CAMTA2: variants seen among roughly 807,000 people sequenced by gnomAD.
The protein encoded by CAMTA2 is calmodulin binding transcription activator 2.
In CAMTA2, 56 loss-of-function variants were observed where a neutral mutation model predicts 135.7. That is an observed-to-expected ratio of 0.41 (90% confidence interval 0.33 to 0.52). CAMTA2 has a LOEUF of 0.52. CAMTA2 is among the 20% of genes least tolerant of loss of function. The pLI is 0.16. For synonymous variants in CAMTA2, 591 were observed against 604.6 expected (o/e 0.98, Z 0.33); for missense variants, 1,358 against 1,553.4 (o/e 0.87, Z 2.11).
rs1973407738 is a variant in CAMTA2 at position 4,987,236 on chromosome 17, CG to C, written c.-65+356del. On this transcript the variant is annotated intron_variant, in intron 1 of 22. Coordinates refer to ENST00000348066, the MANE Select transcript of CAMTA2 (RefSeq NM_015099.4). ...CGGATCGGACGCTTGGCACTCTGGG[CG>C]GCCCCCCGGCGGAGTGGTGGTCCCA... 2.2e-6 allele frequency: 3 copies of C among 1,337,106 alleles called. No individual in the cohort carries two copies. The East Asian group carries it at 9.3e-5, about 42-fold the overall frequency. 82.8% of individuals were successfully genotyped at this position (1,337,106 alleles called of 1,614,324 possible).
chr17:4,978,549 G>A lies in CAMTA2; in HGVS notation c.1720C>T (p.Pro574Ser). The change falls in exon 10 of 23, where the codon CCA becomes TCA. Residue 574 changes from proline (P) to serine (S), a missense_variant. Transcript: ENST00000348066. Reference protein sequence around the residue: ...YSCVFDHIAVPASLVQPGVLR... With the variant: ...YSCVFDHIAVSASLVQPGVLR... ...ACACCAGGCTGGACAAGTGAGGCTG[G>A]CACTGCGATGTGATCAAAGACACAG... is the stretch of plus-strand genomic sequence containing the variant. The A allele has an allele frequency of 6.2e-7, 1 of 1,614,134 alleles. No homozygotes were observed. The highest frequency in any genetic ancestry group is 8.5e-7 in the Non-Finnish European group (1 of 1,179,984).
At chr17:4,981,575 G>T in intron 7 of CAMTA2, 103 bp downstream of exon 7, 1 of 1,390,060 alleles carries the variant, frequency 7.2e-7, no homozygotes, top group Non-Finnish European at 9.8e-7. Context: ...CCAGCTTGGA[G>T]GGAGATGATC....
In CAMTA2 at chr17:4,969,511, T is replaced by C; in HGVS notation, c.3271A>G (p.Ile1091Val). 6.2e-7 allele frequency: 1 copy of C among 1,614,138 alleles called. No homozygotes were observed. The highest frequency in any genetic ancestry group is 1.1e-5 in the South Asian group (1 of 91,080). Residue 1091 changes from isoleucine (I) to valine (V), a missense_variant, in exon 20 of 23, where the codon ATT becomes GTT. Ile to Val is a conservative substitution (Grantham distance 29). This residue lies in a region of CAMTA2 where 167 missense variants were observed against 207.0 expected (regional missense o/e 0.81). Transcript: ENST00000348066. This position sits in a 1 kb window ranked among gnomAD's most constrained non-coding sequence, Gnocchi z 5.6. Reference protein sequence around the residue: ...CYRKYKQLTWIALKFALYKKM... With the variant: ...CYRKYKQLTWVALKFALYKKM... Reference sequence around the variant, plus strand: ...CTCATGCCTAATACCTTAAGTGCAATCCAGGTCAGCTTGTGGAGAGAGAAG... The same window carrying C: ...CTCATGCCTAATACCTTAAGTGCAACCCAGGTCAGCTTGTGGAGAGAGAAG...
intron 8 of CAMTA2, 51 bp downstream of exon 8, chr17:4,981,174 G>C (rs1291815831): frequency 6.3e-7 from 1 of 1,599,974 alleles, no homozygotes; most frequent in South Asian, 1.1e-5. Flanking sequence ...GCTTGCGTAA[G>C]AGCAGTGTGG....
chr17:4,969,007 C>T lies in CAMTA2; in HGVS notation c.3471-26G>A, dbSNP rs754377318. ...CTGGTGAAAGAAACAAAAGATGGAC[C>T]TCACAGAAGGCATCGCATGCCTTCG... On this transcript the variant is annotated intron_variant, in intron 21 of 22. Coordinates refer to ENST00000348066, the MANE Select transcript of CAMTA2 (RefSeq NM_015099.4). The surrounding 1 kb of genome is among the most constrained non-coding windows in gnomAD (Gnocchi z 5.6). 1.2e-6 allele frequency: 2 copies of T among 1,611,498 alleles called. No homozygotes were observed. The highest frequency in any genetic ancestry group is 1.7e-5 in the Admixed American group (1 of 59,568).
intron 3 of CAMTA2, among the ~76,000 whole-genome samples, chr17:4,984,679 C>T (rs1973156115): frequency 1.3e-5 from 2 of 152,154 alleles, no homozygotes; most frequent in Non-Finnish European, 2.9e-5. Context: ...ATGTGTAACA[C>T]AAGGACTGTG....
At chr17:4,983,786 G>A (rs1402630587) in intron 3 of CAMTA2, 2 of 151,984 alleles carry the variant, frequency 1.3e-5, no homozygotes, top group East Asian at 3.9e-4. Flanking sequence ...GTTTCACCAT[G>A]TTGGCCATGC....
In CAMTA2 at chr17:4,980,187, G is replaced by A. The variant is rs1463860330; in HGVS notation, c.1135C>T (p.Arg379Cys). The change falls in exon 9 of 23, where the codon CGT (arginine) becomes TGT (cysteine). Residue 379 changes from arginine (R) to cysteine (C), a missense_variant. By Grantham distance (180) the Arg-to-Cys change is radical. Around this residue, in one of 4 missense-constraint regions of CAMTA2, gnomAD observed 1,077 missense variants for 1,127.5 expected, o/e 0.96. Coordinates refer to ENST00000348066, the MANE Select transcript of CAMTA2 (RefSeq NM_015099.4). The surrounding 1 kb of genome is among the most constrained non-coding windows in gnomAD (Gnocchi z 5.3). ...CCCCTCTGGGGGCTGTTGAGAAAAC[G>A]ATCAGGGTCAAAGGCAGGACTGGGA... ...APPSPAFDPD[R>C]FLNSPQRGQT... 6.3e-7 allele frequency: 1 copy of A among 1,575,796 alleles called. No homozygotes were observed. Among genetic ancestry groups the A allele is most frequent in the South Asian group, 1.2e-5 (1 of 84,818 alleles).
chr17:4,970,298 C>A (rs1443993950), intron 17 of CAMTA2, 42 bp downstream of exon 17: 2 of 1,601,882 alleles, frequency 1.2e-6, no homozygotes, highest in African/African-American at 2.7e-5. Flanking sequence ...TTCCTCCCAT[C>A]TTCCTTTGAA....
In CAMTA2 at chr17:4,987,597, C is replaced by G; in HGVS notation, c.-69G>C. 1.3e-6 allele frequency: 2 copies of G among 1,526,910 alleles called. No individual in the cohort carries two copies. The highest frequency in any genetic ancestry group is 1.8e-6 in the Non-Finnish European group (2 of 1,142,624). The allele number at this position is 1,526,910 out of a possible 1,614,324, so 94.6% of individuals were successfully genotyped here. A position where few individuals can be genotyped will look rare whatever the true frequency, so the allele number is the denominator to read the frequency against. On this transcript the variant is annotated 5_prime_UTR_variant, in exon 1 of 23. Transcript: ENST00000348066. ...GCGAGAGGCCCTGGCTCTTACCTCC[C>G]GGGGTCCCGCGGGTGACGGCGGCAG...
intron 1 of CAMTA2, 55 bp downstream of exon 1, chr17:4,987,538 A>G (rs1002246149): frequency 6.8e-7 from 1 of 1,477,200 alleles, no homozygotes. Flanking sequence ...GACCTGGAGG[A>G]GCTGCGCCCT....
chr17:4,978,837 C>T (rs148099646), intron 9 of CAMTA2, among the ~76,000 whole-genome samples: 7 of 152,188 alleles, frequency 4.6e-5, no homozygotes, highest in Non-Finnish European at 8.8e-5. Flanking sequence ...CTGGTCTCTA[C>T]CTGAATCTGC....
Position 4,987,659 on chromosome 17 carries a change from G to T in CAMTA2, c.-131C>A. ...CCCCACACCGACCCCCCCCAGCGCC[G>T]GCTGACAGCGGCGTCTAACGTCACT... On this transcript the variant is annotated 5_prime_UTR_variant, in exon 1 of 23. Coordinates refer to ENST00000348066, the MANE Select transcript of CAMTA2 (RefSeq NM_015099.4). The T allele has an allele frequency of 6.6e-7, 1 of 1,519,800 alleles. No homozygotes were observed. The highest frequency in any genetic ancestry group is 1.2e-5 in the South Asian group (1 of 82,336). 94.1% of individuals were successfully genotyped at this position (1,519,800 alleles called of 1,614,324 possible). A position where few individuals can be genotyped will look rare whatever the true frequency, so the allele number is the denominator to read the frequency against.
chr17:4,979,582 G>C, intron 9 of CAMTA2, 102 bp downstream of exon 9: 1 of 733,878 alleles, frequency 1.4e-6, no homozygotes, highest in Admixed American at 2.5e-5. Flanking sequence ...AAAACTGAGG[G>C]AAACTAGGTC....
At position 4,972,324 on chromosome 17, in the gene CAMTA2, G is replaced by A. The variant is rs764651342; in HGVS notation, c.2716C>T (p.Pro906Ser). The change falls in exon 16 of 23, where the codon CCC becomes TCC. Residue 906 changes from proline (P) to serine (S), a missense_variant. Transcript: ENST00000348066. ...GGGAGGGCAGGAAGGGAGGAGAGGG[G>A]CCCCTTGGAGTTGGTAGCCTCATAG... ...MDYEATNSKG[P>S]LSSLPALPPA... 6.2e-7 allele frequency: 1 copy of A among 1,613,618 alleles called. No homozygotes were observed. Among genetic ancestry groups the A allele is most frequent in the East Asian group, 2.2e-5 (1 of 44,894 alleles).
At position 4,970,004 on chromosome 17, in the gene CAMTA2, G is replaced by T. The variant is rs1972168758; in HGVS notation, c.3087C>A (p.Gly1029=). The part of the protein sequence containing the change: ...WAEFLSASTS[G]KMESDFALLT... ...GCAGGGCAAAATCACTTTCCATCTT[G>T]CCACTGGTGGATGCAGAGAGAAACT... Residue 1029 remains glycine, a synonymous_variant, in exon 18 of 23, where the codon GGC becomes GGA. Transcript: ENST00000348066. 6.2e-7 allele frequency: 1 copy of T among 1,614,056 alleles called. No homozygotes were observed. Among genetic ancestry groups the T allele is most frequent in the Admixed American group, 1.7e-5 (1 of 60,006 alleles).
At chr17:4,986,321 C>T (rs1452938931) in intron 1 of CAMTA2, 35 bp from the exon 2 acceptor site, 5 of 828,898 alleles carry the variant, frequency 6.0e-6, no homozygotes, top group Non-Finnish European at 9.9e-6. Context: ...TGGCAGAAGC[C>T]CCCACATTAA....
At chr17:4,986,824 C>G (rs1973360384) in intron 1 of CAMTA2, 2 of 729,334 alleles carry the variant, frequency 2.7e-6, no homozygotes, top group African/African-American at 3.5e-5. Context: ...TGGTTAGGAC[C>G]TGATAGAATC....
chr17:4,983,973 C>T (rs1875024778), intron 3 of CAMTA2, among the ~76,000 whole-genome samples: 1 of 151,652 alleles, frequency 6.6e-6, no homozygotes, highest in Admixed American at 6.6e-5. Flanking sequence ...TTTTTTGAGA[C>T]AGAGTCTCGC....
Sources: gnomAD v4.1 joint callset for allele counts (sites outside exome capture counted in the v4.1 genomes callset) on GRCh38, gnomAD v4.1.1 for gene constraint, gnomAD v4.1.1 regional missense constraint, Gnocchi (gnomAD v3.1) non-coding constraint, MANE v1.5 for transcripts, NCBI Gene and HGNC (gene_info 2026-07-23, HGNC 2026-07-21) for gene names.